Variants in UBE2D2 observed in about 807,000 individuals in gnomAD.
UBE2D2 encodes the protein ubiquitin conjugating enzyme E2 D2.
A neutral mutation model predicts 24.2 loss-of-function variants in UBE2D2; 2 were observed. That is an observed-to-expected ratio of 0.08 (90% CI 0.03 to 0.26). The LOEUF (loss-of-function observed/expected upper bound fraction) is 0.26, where lower values mean the gene tolerates loss of function less well. Ranked by LOEUF, UBE2D2 falls within the 10% of genes least tolerant of loss-of-function variation. The pLI is 1.00. For synonymous variants in UBE2D2, 58 were observed against 56.5 expected (o/e 1.03, Z -0.12); for missense variants, 44 against 177.6 (o/e 0.25, Z 4.28).
At chr5:139,564,593 A>G (rs1753179682) in intron 1 of UBE2D2, among the ~76,000 whole-genome samples, 1 of 151,660 alleles carries the variant, frequency 6.6e-6, no homozygotes, top group Admixed American at 6.6e-5. Flanking sequence ...AGCTGGGATT[A>G]CAGGCACTCC....
At chr5:139,555,687 G>C (rs985100178) in intron 1 of UBE2D2, among the ~76,000 whole-genome samples, 5 of 152,024 alleles carry the variant, frequency 3.3e-5, no homozygotes, top group Non-Finnish European at 4.4e-5. Flanking sequence ...AGCACTTTGG[G>C]AGGCCGAGGT....
At chr5:139,545,957 C>A (rs1214380539) in intron 1 of UBE2D2, among the ~76,000 whole-genome samples, 1 of 151,616 alleles carries the variant, frequency 6.6e-6, no homozygotes, top group Non-Finnish European at 1.5e-5. Flanking sequence ...GAACTCCTGA[C>A]CTCAAGTGAT....
chr5:139,607,117 T>A (rs1223725905), intron 2 of UBE2D2, among the ~76,000 whole-genome samples: 3 of 152,214 alleles, frequency 2.0e-5, no homozygotes, highest in Admixed American at 6.5e-5. Flanking sequence ...TTGAGCTATT[T>A]CTAAAAACAT....
At chr5:139,606,411 C>G (rs889335432) in intron 2 of UBE2D2, among the ~76,000 whole-genome samples, 4 of 152,118 alleles carry the variant, frequency 2.6e-5, no homozygotes, top group Non-Finnish European at 5.9e-5. Flanking sequence ...GATCCACCCA[C>G]CTCGGCCTCC....
chr5:139,535,699 G>A (rs370482401), intron 1 of UBE2D2, among the ~76,000 whole-genome samples: 2 of 152,296 alleles, frequency 1.3e-5, no homozygotes, highest in African/African-American at 4.8e-5. Context: ...CTATCAAAGA[G>A]CATGAGGCAG....
upstream of UBE2D2, among the ~76,000 whole-genome samples, chr5:139,560,850 G>A (rs896489084): frequency 6.6e-6 from 1 of 152,146 alleles, no homozygotes; most frequent in Non-Finnish European, 1.5e-5. Context: ...GCGGCTATGA[G>A]ACATCTCCCT....
intron 2 of UBE2D2, among the ~76,000 whole-genome samples, chr5:139,611,175 C>CTTTTTTTTTTTTTTT (rs60626896): frequency 1.7e-5 from 1 of 58,756 alleles, no homozygotes; most frequent in African/African-American, 6.7e-5. Flanking sequence ...AGTTTTCCTT[C>CTTTTTTTTTTTTTTT]TTTTTTTTTT....
intron 5 of UBE2D2, among the ~76,000 whole-genome samples, chr5:139,620,779 G>T (rs1754499305): frequency 6.6e-6 from 1 of 152,132 alleles, no homozygotes; most frequent in Non-Finnish European, 1.5e-5. Flanking sequence ...GAGTAAAATG[G>T]GCTGAGAGTT....
intron 2 of UBE2D2, chr5:139,611,978 T>TG (rs1754330475): frequency 1.3e-5 from 2 of 151,910 alleles, no homozygotes; most frequent in African/African-American, 2.4e-5. Context: ...TTTTTTTTTT[T>TG]TGAACATGAA....
At chr5:139,564,549 G>A (rs1308205440) in intron 1 of UBE2D2, among the ~76,000 whole-genome samples, 1 of 151,750 alleles carries the variant, frequency 6.6e-6, no homozygotes, top group Non-Finnish European at 1.5e-5. Flanking sequence ...CGCTTCCTGG[G>A]TTCAAGCGAT....
chr5:139,569,880 G>A (rs1334342539), intron 1 of UBE2D2, among the ~76,000 whole-genome samples: 4 of 152,104 alleles, frequency 2.6e-5, no homozygotes, highest in African/African-American at 7.2e-5. Flanking sequence ...TCAAACAATT[G>A]GATATTTAAA....
chr5:139,598,174 G>T (rs570335517), intron 1 of UBE2D2, among the ~76,000 whole-genome samples: 1 of 152,264 alleles, frequency 6.6e-6, no homozygotes, highest in South Asian at 2.1e-4. Flanking sequence ...GGGATTACAG[G>T]CATGAGTCAC....
chr5:139,535,457 A>C lies in UBE2D2; in HGVS notation c.-64+8845A>C, dbSNP rs1752656622. On this transcript the variant is annotated intron_variant, in intron 1 of 6. Coordinates refer to the UBE2D2 transcript ENST00000511725. ...GGAGCGAGACTCCGTCTCAAAAAAA[A>C]ACAAAAAACAAAAAAACAAAAATCA... Among the ~76,000 whole-genome samples the C allele has an allele frequency of 2.6e-5, 4 of 151,712 alleles. No homozygotes were observed. The South Asian group carries it at 8.3e-4, about 32-fold the overall frequency.
At chr5:139,589,885 C>T (rs530559689) in intron 1 of UBE2D2, among the ~76,000 whole-genome samples, 1 of 152,102 alleles carries the variant, frequency 6.6e-6, no homozygotes, top group Admixed American at 6.6e-5. Flanking sequence ...CCTGGGTTCA[C>T]ACCATTCTCC....
At chr5:139,562,330 T>C (rs1487084291) in intron 1 of UBE2D2, 1 of 1,346,568 alleles carries the variant, frequency 7.4e-7, no homozygotes, top group Non-Finnish European at 9.8e-7. Flanking sequence ...CACTTACCTC[T>C]TGGGTGGCAG....
chr5:139,530,807 G>A (rs1011161883), intron 1 of UBE2D2, among the ~76,000 whole-genome samples: 1 of 152,118 alleles, frequency 6.6e-6, no homozygotes, highest in Non-Finnish European at 1.5e-5. Flanking sequence ...GACTCAGTCC[G>A]GGAGCCATGT....
chr5:139,563,162 C>G (rs1753145933), intron 1 of UBE2D2, among the ~76,000 whole-genome samples: 1 of 152,118 alleles, frequency 6.6e-6, no homozygotes, highest in South Asian at 2.1e-4. Context: ...GGAAGAGAAC[C>G]AGTTTTTAGC....
intron 5 of UBE2D2, among the ~76,000 whole-genome samples, chr5:139,615,764 T>C (rs573291538): frequency 6.6e-6 from 1 of 152,260 alleles, no homozygotes; most frequent in East Asian, 1.9e-4. Flanking sequence ...ATGTGTTGAT[T>C]TGAAATTGTA....
chr5:139,527,916 G>T (rs554253203), intron 1 of UBE2D2, among the ~76,000 whole-genome samples: 1 of 152,346 alleles, frequency 6.6e-6, no homozygotes, highest in Admixed American at 6.5e-5. Flanking sequence ...CAGGCCAGAG[G>T]CCCTGATTGT....
Sources: gnomAD v4.1 joint callset for allele counts (sites outside exome capture counted in the v4.1 genomes callset) on GRCh38, gnomAD v4.1.1 for gene constraint, MANE v1.5 for transcripts, NCBI Gene and HGNC (gene_info 2026-07-23, HGNC 2026-07-21) for gene names.